Variants in CELSR3 observed in about 807,000 individuals in gnomAD.
The protein encoded by CELSR3 is cadherin EGF LAG seven-pass G-type receptor 3.
A neutral mutation model predicts 270.0 loss-of-function variants in CELSR3; 73 were observed. The observed-to-expected ratio is 0.27, with a 90% CI of 0.22 to 0.33. The LOEUF (loss-of-function observed/expected upper bound fraction) is 0.33. Ranked by LOEUF, CELSR3 falls within the 10% of genes least tolerant of loss-of-function variation. CELSR3 has a pLI of 1.00. For synonymous variants in CELSR3, 1,780 were observed against 1,905.4 expected (o/e 0.93, Z 1.71); for missense variants, 3,614 against 4,533.8 (o/e 0.80, Z 5.83).
Position 48,652,565 on chromosome 3 carries a change from G to C in CELSR3, c.5635-12C>G. On this transcript the variant is annotated splice_polypyrimidine_tract_variant and intron_variant, in intron 10 of 34. Coordinates refer to ENST00000164024, the MANE Select transcript of CELSR3 (RefSeq NM_001407.3). The surrounding 1 kb of genome is among the most constrained non-coding windows in gnomAD (Gnocchi z 4.3). ...ACCGCCATGGTGTCCTGGAGGAAGT[G>C]GGGCAGTCAGCACTGAGGGAGAGGG... is the stretch of plus-strand genomic sequence containing the variant. 1 of 1,595,028 alleles carries C rather than the reference G, an allele frequency of 6.3e-7. No individual in the cohort carries two copies. The highest frequency in any genetic ancestry group is 8.6e-7 in the Non-Finnish European group (1 of 1,168,402).
chr3:48,643,840 T>A (rs539271387), intron 27 of CELSR3, 163 bp from the exon 28 acceptor site: 2 of 774,096 alleles, frequency 2.6e-6, no homozygotes, highest in East Asian at 2.7e-5. Flanking sequence ...AGATGGGAGG[T>A]CCCACAAAGA....
At position 48,639,758 on chromosome 3, in the gene CELSR3, G is replaced by A. The variant is rs61729242; in HGVS notation, c.9827C>T (p.Pro3276Leu). 7.7e-3 allele frequency: 12,447 copies of A among 1,613,788 alleles called. 91 individuals are homozygous for A. Among genetic ancestry groups the A allele is most frequent in the Middle Eastern group, 0.038 (232 of 6,060 alleles). Residue 3276 changes from proline to leucine, a missense_variant, in exon 34 of 35, where the codon CCT becomes CTT. By Grantham distance (98) the Pro-to-Leu change is moderately conservative (BLOSUM62 -3). This residue lies in a region of CELSR3 where 1,240 missense variants were observed against 1,351.7 expected (regional missense o/e 0.92). Transcript: ENST00000164024. This position sits in a 1 kb window ranked among gnomAD's most constrained non-coding sequence, Gnocchi z 4.1. Reference sequence around the variant, plus strand: ...CCCAAGCACAGAGGCTGTGGCAGAAGGTGTGGCAGTGGTGTGAGGGCCCAA... The same window carrying A: ...CCCAAGCACAGAGGCTGTGGCAGAAAGTGTGGCAGTGGTGTGAGGGCCCAA... ...TPLGPHTTAT[P>L]SATASVLGPS...
In CELSR3 at chr3:48,645,525, C is replaced by T. The variant is rs571290185; in HGVS notation, c.7715G>A (p.Arg2572His). The change falls in exon 24 of 35, where the codon CGT becomes CAT. Residue 2572 changes from arginine to histidine, a missense_variant. Coordinates refer to ENST00000164024, the MANE Select transcript of CELSR3 (RefSeq NM_001407.3). This position sits in a 1 kb window ranked among gnomAD's most constrained non-coding sequence, Gnocchi z 5.4. ...GGCTGCCACATTGGCATGGATCCCA[C>T]GCACATTGGACTTGAGGCTGCGCAG... ...LSLRSLKSNV[R>H]GIHANVAAAL... is the part of the protein sequence containing the mutation. The T allele has an allele frequency of 1.5e-5, 24 of 1,612,782 alleles. No individual in the cohort carries two copies. The highest frequency in any genetic ancestry group is 6.7e-5 in the Admixed American group (4 of 60,030).
At position 48,662,065 on chromosome 3, in the gene CELSR3, G is replaced by A; in HGVS notation, c.570C>T (p.Asn190=). The A allele has an allele frequency of 6.2e-7, 1 of 1,614,080 alleles. No homozygotes were observed. The highest frequency in any genetic ancestry group is 8.5e-7 in the Non-Finnish European group (1 of 1,180,038). The part of the protein sequence containing the change: ...HGPKPVSSQR[N]AGTGSRKRVG... The stretch of plus-strand genomic sequence containing the variant: ...CTCTTTTGCGGGAGCCTGTCCCAGC[G>A]TTCCGCTGGGAGGACACCGGCTTGG... Residue 190 remains asparagine (N), a synonymous_variant, in exon 1 of 35, where the codon AAC becomes AAT. Transcript: ENST00000164024. The surrounding 1 kb of genome is among the most constrained non-coding windows in gnomAD (Gnocchi z 7.1).
chr3:48,652,366 G>T lies in CELSR3; in HGVS notation c.5751+71C>A, dbSNP rs981560101. The T allele has an allele frequency of 4.0e-6, 5 of 1,238,408 alleles. No individual in the cohort carries two copies. The highest frequency in any genetic ancestry group is 1.2e-5 in the South Asian group (1 of 83,254). 76.7% of individuals were successfully genotyped at this position (1,238,408 alleles called of 1,614,324 possible). A position where few individuals can be genotyped will look rare whatever the true frequency, so the allele number is the denominator to read the frequency against. Reference sequence around the variant, plus strand: ...CCCCCACTTGAATACTGCCTTTCAGGTCCCAAGGAGCCCCTGACTTCTGAC... The same window carrying T: ...CCCCCACTTGAATACTGCCTTTCAGTTCCCAAGGAGCCCCTGACTTCTGAC... On this transcript the variant is annotated intron_variant, in intron 11 of 34. Coordinates refer to ENST00000164024, the MANE Select transcript of CELSR3 (RefSeq NM_001407.3). The surrounding 1 kb of genome is among the most constrained non-coding windows in gnomAD (Gnocchi z 4.3).
chr3:48,660,070 C>T lies in CELSR3; in HGVS notation c.2565G>A (p.Arg855=). 1 of 1,614,132 alleles carries T rather than the reference C, an allele frequency of 6.2e-7. No individual in the cohort carries two copies. The highest frequency in any genetic ancestry group is 2.2e-5 in the East Asian group (1 of 44,880). The change falls in exon 1 of 35, where the codon CGG becomes CGA. Residue 855 remains arginine, a synonymous_variant. Transcript: ENST00000164024. The surrounding 1 kb of genome is among the most constrained non-coding windows in gnomAD (Gnocchi z 5.5). ...HINITDANTH[R]PVFQSAHYSV... is the part of the protein sequence containing the mutation. Reference sequence around the variant, plus strand: ...AGTAGTGGGCACTTTGAAAGACCGGCCGATGAGTGTTGGCATCTGTGATGT... The same window carrying T: ...AGTAGTGGGCACTTTGAAAGACCGGTCGATGAGTGTTGGCATCTGTGATGT...
At position 48,641,981 on chromosome 3, in the gene CELSR3, C is replaced by T. The variant is rs755602790; in HGVS notation, c.8694G>A (p.Leu2898=). 5.1e-6 allele frequency: 8 copies of T among 1,570,124 alleles called. No individual in the cohort carries two copies. The highest frequency in any genetic ancestry group is 2.0e-5 in the Admixed American group (1 of 49,916). ...AGAGACTCCTCTCCTCCTCCAAGGACAGGTCACTGTCAGAGTCGGAGTCTG... is the reference window on the plus strand; with the variant it reads ...AGAGACTCCTCTCCTCCTCCAAGGATAGGTCACTGTCAGAGTCGGAGTCTG... ...AGADSDSDSD[L]SLEEERSLSI... Residue 2898 remains leucine, a synonymous_variant, in exon 32 of 35, where the codon CTG becomes CTA. Coordinates refer to ENST00000164024, the MANE Select transcript of CELSR3 (RefSeq NM_001407.3). This position sits in a 1 kb window ranked among gnomAD's most constrained non-coding sequence, Gnocchi z 4.8.
chr3:48,642,519 T>C lies in CELSR3; in HGVS notation c.8556-52A>G. The C allele has an allele frequency of 6.4e-7, 1 of 1,573,168 alleles. No individual in the cohort carries two copies. Among genetic ancestry groups the C allele is most frequent in the African/African-American group, 1.3e-5 (1 of 74,096 alleles). ...TGAAAGAGGGATGTGATGGGGTGCC[T>C]TGGAGGCTGGAGTGTCTTTGAGTGC... On this transcript the variant is annotated intron_variant, in intron 30 of 34. Coordinates refer to ENST00000164024, the MANE Select transcript of CELSR3 (RefSeq NM_001407.3). The surrounding 1 kb of genome is among the most constrained non-coding windows in gnomAD (Gnocchi z 6.1).
At position 48,655,117 on chromosome 3, in the gene CELSR3, C is replaced by A. The variant is rs146177587; in HGVS notation, c.4915G>T (p.Val1639Leu). Reference sequence around the variant, plus strand: ...ATCTCAGCACCAAACTGCAGAGCCACGGCCACATCACAATCATCCACGCTT... The same window carrying A: ...ATCTCAGCACCAAACTGCAGAGCCAAGGCCACATCACAATCATCCACGCTT... The part of the protein sequence containing the change: ...VLSVDDCDVA[V>L]ALQFGAEIGN... The change falls in exon 6 of 35, where the codon GTG becomes TTG. Residue 1639 changes from valine (V) to leucine (L), a missense_variant. Around this residue, in one of 7 missense-constraint regions of CELSR3, gnomAD observed 1,331 missense variants for 1,933.7 expected, o/e 0.69. Coordinates refer to ENST00000164024, the MANE Select transcript of CELSR3 (RefSeq NM_001407.3). This position sits in a 1 kb window ranked among gnomAD's most constrained non-coding sequence, Gnocchi z 5.8. 4.3e-5 allele frequency: 70 copies of A among 1,613,838 alleles called. No homozygotes were observed. Among genetic ancestry groups the A allele is most frequent in the Non-Finnish European group, 5.7e-5 (67 of 1,179,958 alleles).
chr3:48,650,944 C>T lies in CELSR3; in HGVS notation c.6318G>A (p.Gln2106=), dbSNP rs140880923. 6.5e-5 allele frequency: 104 copies of T among 1,611,658 alleles called. No individual in the cohort carries two copies. Among genetic ancestry groups the T allele is most frequent in the Non-Finnish European group, 8.3e-5 (98 of 1,179,856 alleles). The change falls in exon 15 of 35, where the codon CAG becomes CAA. Residue 2106 remains glutamine (Q), a synonymous_variant. Coordinates refer to ENST00000164024, the MANE Select transcript of CELSR3 (RefSeq NM_001407.3). The surrounding 1 kb of genome is among the most constrained non-coding windows in gnomAD (Gnocchi z 5.1). ...CPCRPGALGR[Q]CNSCDSPFAE... is the part of the protein sequence containing the mutation. ...CGAAGGGACTGTCACAGCTGTTGCACTGGCGGCCAAGGGCTCCTGGGCGAC... is the reference window on the plus strand; with the variant it reads ...CGAAGGGACTGTCACAGCTGTTGCATTGGCGGCCAAGGGCTCCTGGGCGAC...
In CELSR3 at chr3:48,657,431, T is replaced by C. The variant is rs2077032891; in HGVS notation, c.3749-83A>G. ...GACACAAGAGGGCTGGGGCCAGCGA[T>C]AGCCTAGGCCCCCAGAACCTCTAAG... is the stretch of plus-strand genomic sequence containing the variant. On this transcript the variant is annotated intron_variant, in intron 1 of 34. Transcript: ENST00000164024. This position sits in a 1 kb window ranked among gnomAD's most constrained non-coding sequence, Gnocchi z 5.4. 2 of 1,393,638 alleles carry C rather than the reference T, an allele frequency of 1.4e-6. No individual in the cohort carries two copies. Among genetic ancestry groups the C allele is most frequent in the South Asian group, 1.5e-5 (1 of 68,370 alleles). The allele number at this position is 1,393,638 out of a possible 1,614,324, so 86.3% of individuals were successfully genotyped here.
chr3:48,648,033 C>A (rs755226787), intron 19 of CELSR3, 37 bp from the exon 20 acceptor site: 22 of 1,606,628 alleles, frequency 1.4e-5, no homozygotes, highest in Non-Finnish European at 1.8e-5. Flanking sequence ...CCATCATGGA[C>A]CTCTTCCCCC....
rs201558366 is a variant in CELSR3 at position 48,654,263 on chromosome 3, T to C, written c.5152+26A>G. 18 of 1,613,454 alleles carry C rather than the reference T, an allele frequency of 1.1e-5. No individual in the cohort carries two copies. The Admixed American group carries it at 2.3e-4, about 21-fold the overall frequency. On this transcript the variant is annotated intron_variant, in intron 7 of 34. Coordinates refer to ENST00000164024, the MANE Select transcript of CELSR3 (RefSeq NM_001407.3). The surrounding 1 kb of genome is among the most constrained non-coding windows in gnomAD (Gnocchi z 5.4). ...CTATGATGGGGACAGGGCCATGGGC[T>C]AGGCTGGTGGAAGCTTCAGGCCTAC... is the stretch of plus-strand genomic sequence containing the variant.
chr3:48,638,058 T>C lies in CELSR3; in HGVS notation c.*147A>G. 1.5e-6 allele frequency: 1 copy of C among 670,016 alleles called. No individual in the cohort carries two copies. Among genetic ancestry groups the C allele is most frequent in the East Asian group, 2.7e-5 (1 of 37,730 alleles). 41.5% of individuals were successfully genotyped at this position (670,016 alleles called of 1,614,324 possible). A position where few individuals can be genotyped will look rare whatever the true frequency, so the allele number is the denominator to read the frequency against. ...CATGCTCACAGATGCACATGGAGCCTCAGCCCTGCCACACCAGGTAGAGCT... is the reference window on the plus strand; with the variant it reads ...CATGCTCACAGATGCACATGGAGCCCCAGCCCTGCCACACCAGGTAGAGCT... On this transcript the variant is annotated 3_prime_UTR_variant, in exon 35 of 35. Transcript: ENST00000164024.
rs1438138768 is a variant in CELSR3 at position 48,658,497 on chromosome 3, A to G, written c.3748+390T>C. On this transcript the variant is annotated intron_variant, in intron 1 of 34. Coordinates refer to ENST00000164024, the MANE Select transcript of CELSR3 (RefSeq NM_001407.3). The surrounding 1 kb of genome is among the most constrained non-coding windows in gnomAD (Gnocchi z 4.7). ...CCTGCACAGATAGGGTAAGCGTCAG[A>G]CTGGACCCAAAGTAACCCTTCGTCT... 6.6e-6 allele frequency among the ~76,000 whole-genome samples: 1 copy of G among 152,172 alleles called. No individual in the cohort carries two copies. Among genetic ancestry groups the G allele is most frequent in the Non-Finnish European group, 1.5e-5 (1 of 68,016 alleles).
In CELSR3 at chr3:48,661,524, G is replaced by C. The variant is rs377325964; in HGVS notation, c.1111C>G (p.Arg371Gly). Reference protein sequence around the residue: ...VYSLAALMNSRSLELFSIDPQ... With the variant: ...VYSLAALMNSGSLELFSIDPQ... The stretch of plus-strand genomic sequence containing the variant: ...TCGATGCTGAACAGCTCCAGCGAGC[G>C]GCTGTTCATGAGTGCCGCCAGCGAG... Residue 371 changes from arginine (R) to glycine (G), a missense_variant, in exon 1 of 35, where the codon CGC becomes GGC. Physicochemically the swap from Arg to Gly is moderately radical, Grantham distance 125 (BLOSUM62 -2). Coordinates refer to ENST00000164024, the MANE Select transcript of CELSR3 (RefSeq NM_001407.3). 1 of 1,604,440 alleles carries C rather than the reference G, an allele frequency of 6.2e-7. No homozygotes were observed. Among genetic ancestry groups the C allele is most frequent in the Non-Finnish European group, 8.5e-7 (1 of 1,176,678 alleles).
chr3:48,654,596 G>A lies in CELSR3; in HGVS notation c.4989-144C>T. 4.1e-6 allele frequency: 3 copies of A among 727,486 alleles called. No individual in the cohort carries two copies. The highest frequency in any genetic ancestry group is 6.7e-6 in the Non-Finnish European group (3 of 444,888). The allele number at this position is 727,486 out of a possible 1,614,324, so 45.1% of individuals were successfully genotyped here. On this transcript the variant is annotated intron_variant, in intron 6 of 34. Coordinates refer to ENST00000164024, the MANE Select transcript of CELSR3 (RefSeq NM_001407.3). The surrounding 1 kb of genome is among the most constrained non-coding windows in gnomAD (Gnocchi z 5.4). Reference sequence around the variant, plus strand: ...AAGGCCGAGCTGTGGAAGGAGTTAGGATCTTACTTCAGTTGGGGTGCAAAG... The same window carrying A: ...AAGGCCGAGCTGTGGAAGGAGTTAGAATCTTACTTCAGTTGGGGTGCAAAG...
Position 48,645,098 on chromosome 3 carries a change from C to T in CELSR3, c.7909G>A (p.Val2637Met), listed in dbSNP as rs767372597. 45 of 1,604,186 alleles carry T rather than the reference C, an allele frequency of 2.8e-5. No homozygotes were observed. In the East Asian group the frequency reaches 7.9e-4, roughly 28 times the overall value. The change falls in exon 25 of 35, where the codon GTG becomes ATG. Residue 2637 changes from valine to methionine, a missense_variant. Around this residue, in one of 7 missense-constraint regions of CELSR3, gnomAD observed 1,240 missense variants for 1,351.7 expected, o/e 0.92. Coordinates refer to ENST00000164024, the MANE Select transcript of CELSR3 (RefSeq NM_001407.3). This position sits in a 1 kb window ranked among gnomAD's most constrained non-coding sequence, Gnocchi z 5.4. Reference protein sequence around the residue: ...LYRMQVEPRNVDRGAMRFYHA... With the variant: ...LYRMQVEPRNMDRGAMRFYHA... ...TAGAAGCGCATGGCGCCGCGGTCCACGTTGCGTGGCTCAACCTGCATGCGG... is the reference window on the plus strand; with the variant it reads ...TAGAAGCGCATGGCGCCGCGGTCCATGTTGCGTGGCTCAACCTGCATGCGG...
In CELSR3 at chr3:48,638,197, T is replaced by C. The variant is rs2046990081; in HGVS notation, c.*8A>G. The C allele has an allele frequency of 4.3e-6, 7 of 1,612,290 alleles. No individual in the cohort carries two copies. Among genetic ancestry groups the C allele is most frequent in the Non-Finnish European group, 2.5e-6 (3 of 1,178,664 alleles). On this transcript the variant is annotated 3_prime_UTR_variant, in exon 35 of 35. Transcript: ENST00000164024. Reference sequence around the variant, plus strand: ...CCTCAGCTGTTCCTCGTCCACGCCGTCATCCCCTCAGGAGTGACCCTCACT... The same window carrying C: ...CCTCAGCTGTTCCTCGTCCACGCCGCCATCCCCTCAGGAGTGACCCTCACT...
Sources: gnomAD v4.1 joint callset for allele counts (sites outside exome capture counted in the v4.1 genomes callset) on GRCh38, gnomAD v4.1.1 for gene constraint, gnomAD v4.1.1 regional missense constraint, Gnocchi (gnomAD v3.1) non-coding constraint, MANE v1.5 for transcripts, NCBI Gene and HGNC (gene_info 2026-07-23, HGNC 2026-07-21) for gene names.